The following ATP8B4 variants were observed in gnomAD, a reference collection of about 807,000 sequenced individuals.
The protein encoded by ATP8B4 is ATPase phospholipid transporting 8B4 (putative).
Under a neutral mutation model 145.6 loss-of-function variants are expected in ATP8B4, and 133 were observed. The observed-to-expected ratio is 0.91, with a 90% CI of 0.79 to 1.05. ATP8B4 has a LOEUF of 1.05. Ranked by LOEUF, ATP8B4 falls within the 50% of genes least tolerant of loss-of-function variation. The pLI is 0.00. For missense variants in ATP8B4, 1,458 were observed against 1,425.2 expected (o/e 1.02, Z -0.37); for synonymous variants, 507 against 492.9 (o/e 1.03, Z -0.38).
intron 1 of ATP8B4, among the ~76,000 whole-genome samples, chr15:50,157,945 C>T (rs948980303): frequency 1.3e-5 from 2 of 152,308 alleles, no homozygotes; most frequent in African/African-American, 2.4e-5. Flanking sequence ...TTGGTGGAGA[C>T]GGGGTTTCGC....
At chr15:50,081,616 C>A (rs1038061160) in intron 2 of ATP8B4, among the ~76,000 whole-genome samples, 2 of 152,168 alleles carry the variant, frequency 1.3e-5, no homozygotes, top group Non-Finnish European at 2.9e-5. Flanking sequence ...CCATTTACAA[C>A]CTCTTCCTAA....
At chr15:50,073,007 T>C (rs1185434460) in intron 3 of ATP8B4, among the ~76,000 whole-genome samples, 10 of 55,452 alleles carry the variant, frequency 1.8e-4, no homozygotes, top group African/African-American at 9.7e-4. Flanking sequence ...TATATATATA[T>C]ATATATATAT....
chr15:49,860,592 G>A, intron 27 of ATP8B4, 117 bp from the exon 28 acceptor site: 1 of 1,253,710 alleles, frequency 8.0e-7, no homozygotes, highest in South Asian at 1.8e-5. Context: ...CATTGCAAAA[G>A]GAAGTTTTAA....
At chr15:50,160,998 G>C (rs2044509856) in intron 1 of ATP8B4, among the ~76,000 whole-genome samples, 1 of 151,904 alleles carries the variant, frequency 6.6e-6, no homozygotes, top group African/African-American at 2.4e-5. Flanking sequence ...ATTGTATTGG[G>C]GTCTATCTCT....
intron 14 of ATP8B4, among the ~76,000 whole-genome samples, chr15:49,938,736 T>A (rs889589219): frequency 6.6e-6 from 1 of 152,092 alleles, no homozygotes; most frequent in Non-Finnish European, 1.5e-5. Context: ...TGGACTTGAA[T>A]TCAATACTTG....
chr15:49,974,773 T>C (rs1358992700), intron 12 of ATP8B4, among the ~76,000 whole-genome samples: 1 of 152,184 alleles, frequency 6.6e-6, no homozygotes, highest in Non-Finnish European at 1.5e-5. Flanking sequence ...AGGAGCAAAT[T>C]TCAAGTTTTC....
chr15:50,037,539 C>T (rs1035575256), intron 6 of ATP8B4, among the ~76,000 whole-genome samples: 26 of 152,328 alleles, frequency 1.7e-4, no homozygotes, highest in African/African-American at 6.3e-4. Context: ...AAATCCAGTG[C>T]TTACAGATAT....
intron 1 of ATP8B4, among the ~76,000 whole-genome samples, chr15:50,172,959 CCGGGAGG>C: frequency 6.7e-6 from 1 of 149,692 alleles, no homozygotes; most frequent in African/African-American, 2.5e-5. Context: ...GCCGCCCCAT[CCGGGAGG>C]TGGGGGGCAG....
At chr15:50,089,662 T>C (rs965868959) in intron 2 of ATP8B4, among the ~76,000 whole-genome samples, 2 of 152,052 alleles carry the variant, frequency 1.3e-5, no homozygotes, top group East Asian at 1.9e-4. Flanking sequence ...AACTTTTTTT[T>C]TTCTTTCTTT....
chr15:50,004,846 G>A (rs2048187846), intron 7 of ATP8B4, among the ~76,000 whole-genome samples: 1 of 152,130 alleles, frequency 6.6e-6, no homozygotes, highest in African/African-American at 2.4e-5. Context: ...TCAAGGATTT[G>A]TATAGTTTAA....
chr15:50,165,291 G>A (rs2044579510), intron 1 of ATP8B4, among the ~76,000 whole-genome samples: 1 of 152,062 alleles, frequency 6.6e-6, no homozygotes, highest in East Asian at 1.9e-4. Context: ...GACCTCCAGT[G>A]ATCTGCCCGC....
chr15:50,169,907 A>C (rs2044647112), intron 1 of ATP8B4, among the ~76,000 whole-genome samples: 2 of 152,310 alleles, frequency 1.3e-5, no homozygotes, highest in Admixed American at 6.5e-5. Context: ...TCAGCAATAG[A>C]AGTGAACAAG....
intron 9 of ATP8B4, among the ~76,000 whole-genome samples, chr15:49,988,643 T>G (rs2046821963): frequency 6.6e-6 from 1 of 152,022 alleles, no homozygotes; most frequent in South Asian, 2.1e-4. Flanking sequence ...AACATAGCAT[T>G]TGGAAAATAA....
At position 50,046,136 on chromosome 15, in the gene ATP8B4, A is replaced by G. The variant is rs556886808; in HGVS notation, c.201+1215T>C. ...TTGGCATATGATCTTGGTTAAGCCA[A>G]TTACTGGATCAAACTCTTGAGCCAC... On this transcript the variant is annotated intron_variant, in intron 4 of 27. Coordinates refer to ENST00000284509, the MANE Select transcript of ATP8B4 (RefSeq NM_024837.4). Among the ~76,000 whole-genome samples, 18 of 152,328 alleles carry G rather than the reference A, an allele frequency of 1.2e-4. 1 individual carries two copies. In the East Asian group the frequency reaches 2.9e-3, roughly 24 times the overall value.
intron 15 of ATP8B4, among the ~76,000 whole-genome samples, chr15:49,933,396 C>T (rs552420260): frequency 6.6e-6 from 1 of 152,154 alleles, no homozygotes; most frequent in East Asian, 1.9e-4. Context: ...GAAGCCAGTT[C>T]ACTATACCAT....
At chr15:49,961,862 A>G (rs953133644) in intron 14 of ATP8B4, 115 bp downstream of exon 14, 3 of 847,000 alleles carry the variant, frequency 3.5e-6, no homozygotes, top group Non-Finnish European at 5.5e-6. Flanking sequence ...AATGCTATGC[A>G]TTAAGTATCT....
chr15:49,942,886 A>G (rs2042272468), intron 14 of ATP8B4, among the ~76,000 whole-genome samples: 1 of 152,120 alleles, frequency 6.6e-6, no homozygotes, highest in South Asian at 2.1e-4. Flanking sequence ...ATTAGTCTAA[A>G]GAAACAGAGG....
At position 49,985,342 on chromosome 15, in the gene ATP8B4, C is replaced by T. The variant is rs181696346; in HGVS notation, c.748+2049G>A. On this transcript the variant is annotated intron_variant, in intron 10 of 27. Transcript: ENST00000284509. Reference sequence around the variant, plus strand: ...CAATCTCCTGACCTCGTGATCCACCCGCCTCAGCCTCCCAAAGTGCTGGGA... The same window carrying T: ...CAATCTCCTGACCTCGTGATCCACCTGCCTCAGCCTCCCAAAGTGCTGGGA... Among the ~76,000 whole-genome samples the T allele has an allele frequency of 7.4e-3, 1,125 of 152,180 alleles. 15 individuals are homozygous for T. Among genetic ancestry groups the T allele is most frequent in the African/African-American group, 0.026 (1,073 of 41,514 alleles).
chr15:49,860,399 G>A lies in ATP8B4; in HGVS notation c.3374C>T (p.Ser1125Leu). The A allele has an allele frequency of 2.5e-6, 4 of 1,614,050 alleles. No homozygotes were observed. Among genetic ancestry groups the A allele is most frequent in the Non-Finnish European group, 3.4e-6 (4 of 1,179,992 alleles). ...AGCAAAAGCATATCCAGACCTTCTTGAGCTTGACCTGCGGGTCCGAGGCCT... is the reference window on the plus strand; with the variant it reads ...AGCAAAAGCATATCCAGACCTTCTTAAGCTTGACCTGCGGGTCCGAGGCCT... ...SRRPRTRRSS[S>L]RRSGYAFAHQ... is the part of the protein sequence containing the mutation. The change falls in exon 28 of 28, where the codon TCA becomes TTA. Residue 1125 changes from serine (S) to leucine (L), a missense_variant. Transcript: ENST00000284509.
Sources: gnomAD v4.1 joint callset for allele counts (sites outside exome capture counted in the v4.1 genomes callset) on GRCh38, gnomAD v4.1.1 for gene constraint, MANE v1.5 for transcripts, NCBI Gene and HGNC (gene_info 2026-07-23, HGNC 2026-07-21) for gene names.